The following TOPAZ1 variants were observed in gnomAD, a reference collection of about 807,000 sequenced individuals.
TOPAZ1 encodes protein TOPAZ1.
Under a neutral mutation model 172.2 loss-of-function variants are expected in TOPAZ1, and 66 were observed. That is an observed-to-expected ratio of 0.38 (90% confidence interval 0.31 to 0.47). The LOEUF (loss-of-function observed/expected upper bound fraction) is 0.47, where lower values mean the gene tolerates loss of function less well. Among genes scored for constraint, TOPAZ1 ranks in the 20% least tolerant of loss-of-function variants. TOPAZ1 has a pLI of 0.99. For missense variants in TOPAZ1, 1,822 were observed against 1,972.4 expected, an observed-to-expected ratio of 0.92 and a Z score of 1.44; for synonymous variants, 681 against 683.9, an observed-to-expected ratio of 1.00 and a Z score of 0.07.
intron 8 of TOPAZ1, among the ~76,000 whole-genome samples, chr3:44,272,146 T>C (rs548270897): frequency 1.3e-5 from 2 of 152,362 alleles, no homozygotes; most frequent in South Asian, 4.1e-4. Flanking sequence ...CATTCATCCA[T>C]TGATGGACAC....
Position 44,242,312 on chromosome 3 carries a change from G to A in TOPAZ1, c.259G>A (p.Gly87Ser). Residue 87 changes from glycine to serine, a missense_variant, in exon 1 of 20, where the codon GGC becomes AGC. Physicochemically the swap from Gly to Ser is moderately conservative, Grantham distance 56 (BLOSUM62 0). This residue lies in a region of TOPAZ1 where 1,489 missense variants were observed against 1,490.8 expected (regional missense o/e 1.00). Coordinates refer to ENST00000309765, the MANE Select transcript of TOPAZ1 (RefSeq NM_001145030.2). ...AARRQVEGRR[G>S]PVSPSDSSDP... ...AAGGCGTCAGGTGGAGGGGCGCAGG[G>A]GCCCGGTGAGCCCGTCAGACTCGTC... 2 of 1,551,974 alleles carry A rather than the reference G, an allele frequency of 1.3e-6. No homozygotes were observed. Among genetic ancestry groups the A allele is most frequent in the Non-Finnish European group, 1.7e-6 (2 of 1,146,972 alleles).
In TOPAZ1 at chr3:44,281,997, A is replaced by G. The variant is rs548997011; in HGVS notation, c.3402A>G (p.Ile1134Met). 4.5e-6 allele frequency: 7 copies of G among 1,547,916 alleles called. No individual in the cohort carries two copies. The African/African-American group carries it at 5.5e-5, about 12-fold the overall frequency. ...GCATGGATGTGTTTAAGAAATATAT[A>G]AATATCAATGAACTGTGTTTGCTAC... ...KVCMDVFKKY[I>M]NINELCLLQR... is the part of the protein sequence containing the mutation. The change falls in exon 9 of 20, where the codon ATA (isoleucine) becomes ATG (methionine). Residue 1134 changes from isoleucine (I) to methionine (M), a missense_variant. Physicochemically the swap from Ile to Met is conservative, Grantham distance 10. Coordinates refer to ENST00000309765, the MANE Select transcript of TOPAZ1 (RefSeq NM_001145030.2).
chr3:44,298,261 C>T (rs1420232243), intron 12 of TOPAZ1, among the ~76,000 whole-genome samples: 1 of 152,050 alleles, frequency 6.6e-6, no homozygotes, highest in Non-Finnish European at 1.5e-5. Context: ...CCCAGGAGTT[C>T]GAGGCCAGCC....
chr3:44,274,139 G>A lies in TOPAZ1; in HGVS notation c.3372+3329G>A, dbSNP rs564073735. Among the ~76,000 whole-genome samples the A allele has an allele frequency of 2.3e-3, 330 of 144,924 alleles. 3 individuals carry two copies. The highest frequency in any genetic ancestry group is 8.1e-3 in the African/African-American group (317 of 39,026). On this transcript the variant is annotated intron_variant, in intron 8 of 19. Coordinates refer to ENST00000309765, the MANE Select transcript of TOPAZ1 (RefSeq NM_001145030.2). Reference sequence around the variant, plus strand: ...TTTTTTTTTTTTTTGGCAAGGCACAGTGGCTGAGGCCTGTAATCCCAGCAC... The same window carrying A: ...TTTTTTTTTTTTTTGGCAAGGCACAATGGCTGAGGCCTGTAATCCCAGCAC...
intron 8 of TOPAZ1, among the ~76,000 whole-genome samples, chr3:44,280,291 T>C (rs1325724220): frequency 4.7e-5 from 7 of 149,048 alleles, no homozygotes; most frequent in African/African-American, 1.7e-4. Context: ...CCTTTCCTTT[T>C]CTTTCCTTTC....
intron 9 of TOPAZ1, among the ~76,000 whole-genome samples, chr3:44,283,714 T>C (rs1203240982): frequency 2.0e-5 from 3 of 152,188 alleles, no homozygotes; most frequent in Non-Finnish European, 4.4e-5. Context: ...TCTCCTTCCT[T>C]CCATATATGT....
Position 44,267,137 on chromosome 3 carries a change from G to A in TOPAZ1, c.3160+1G>A. On this transcript the variant is annotated splice_donor_variant, in intron 6 of 19. Coordinates refer to ENST00000309765, the MANE Select transcript of TOPAZ1 (RefSeq NM_001145030.2). LOFTEE classifies it high-confidence loss of function. Reference sequence around the variant, plus strand: ...ACAATACTGAATACCTGGATGAATGGTACTATTTGTTTTCTTAATGAAATC... The same window carrying A: ...ACAATACTGAATACCTGGATGAATGATACTATTTGTTTTCTTAATGAAATC... 1 of 1,504,588 alleles carries A rather than the reference G, an allele frequency of 6.6e-7. No individual in the cohort carries two copies. Among genetic ancestry groups the A allele is most frequent in the Non-Finnish European group, 8.9e-7 (1 of 1,128,230 alleles). 93.2% of individuals were successfully genotyped at this position (1,504,588 alleles called of 1,614,324 possible).
chr3:44,242,815 A>G (rs1276090547), intron 1 of TOPAZ1, 38 bp from the exon 2 acceptor site: 1 of 1,424,582 alleles, frequency 7.0e-7, no homozygotes, highest in Non-Finnish European at 9.2e-7. Flanking sequence ...CCTCCTCAAT[A>G]TAAAATCTTT....
chr3:44,312,852 T>C (rs1302956909), intron 16 of TOPAZ1, among the ~76,000 whole-genome samples: 3 of 152,230 alleles, frequency 2.0e-5, no homozygotes, highest in African/African-American at 4.8e-5. Context: ...AAATAACTTA[T>C]TGCCTTTGTA....
rs144710717 is a variant in TOPAZ1 at position 44,265,136 on chromosome 3, A to G, written c.3021-1861A>G. ...TAGGTTTTCAATTTACTTTGTCAAG[A>G]TCCATCAGAGAAATCACTATCCATG... On this transcript the variant is annotated intron_variant, in intron 5 of 19. Transcript: ENST00000309765. Among the ~76,000 whole-genome samples, 32 of 152,368 alleles carry G rather than the reference A, an allele frequency of 2.1e-4. No individual in the cohort carries two copies. In the East Asian group the frequency reaches 6.0e-3, roughly 28 times the overall value.
At chr3:44,261,275 A>C (rs1165214296) in intron 4 of TOPAZ1, among the ~76,000 whole-genome samples, 2 of 152,146 alleles carry the variant, frequency 1.3e-5, no homozygotes, top group African/African-American at 4.8e-5. Context: ...GTTGTCTTCC[A>C]AGGCTTTTAT....
intron 12 of TOPAZ1, among the ~76,000 whole-genome samples, chr3:44,292,417 A>G (rs1319654906): frequency 6.6e-6 from 1 of 152,164 alleles, no homozygotes; most frequent in Non-Finnish European, 1.5e-5. Context: ...GATATGTGAA[A>G]AACTTTTCCC....
chr3:44,321,243 A>T, intron 17 of TOPAZ1, 52 bp downstream of exon 17: 1 of 1,289,792 alleles, frequency 7.8e-7, no homozygotes, highest in South Asian at 1.5e-5. Context: ...CTGGTGTTTA[A>T]CTGTTAATAA....
Position 44,244,725 on chromosome 3 carries a change from T to G in TOPAZ1, c.2219T>G (p.Leu740Ter). 1 of 1,551,484 alleles carries G rather than the reference T, an allele frequency of 6.4e-7. No individual in the cohort carries two copies. Reference protein sequence around the residue: ...RSKENVSMMMLGPQTLSIRNS... With the variant: ...RSKENVSMMM ...AAAGAAAATGTCTCCATGATGATGT[T>G]AGGACCTCAAACTTTGAGCATACGA... The change falls in exon 2 of 20, where the codon TTA becomes TGA. Residue 740 changes from leucine (L) to a stop codon, truncating the protein, a stop_gained. Coordinates refer to ENST00000309765, the MANE Select transcript of TOPAZ1 (RefSeq NM_001145030.2). LOFTEE classifies it high-confidence loss of function.
intron 3 of TOPAZ1, 65 bp downstream of exon 3, chr3:44,255,094 A>G: frequency 2.6e-6 from 3 of 1,160,662 alleles, no homozygotes; most frequent in South Asian, 1.4e-5. Flanking sequence ...ATTCAGGCCT[A>G]GTCAAGATGA....
chr3:44,269,080 A>G (rs1220297406), intron 6 of TOPAZ1, 136 bp from the exon 7 acceptor site: 22 of 645,964 alleles, frequency 3.4e-5, no homozygotes, highest in Non-Finnish European at 5.3e-5. Flanking sequence ...CACACATGGC[A>G]GCACAGTCTG....
At chr3:44,312,044 C>T (rs1042204475) in intron 16 of TOPAZ1, among the ~76,000 whole-genome samples, 3 of 151,682 alleles carry the variant, frequency 2.0e-5, no homozygotes, top group African/African-American at 7.3e-5. Flanking sequence ...TACCTGTATA[C>T]AAAGGTATGC....
At position 44,278,673 on chromosome 3, in the gene TOPAZ1, A is replaced by G. The variant is rs116298371; in HGVS notation, c.3373-3295A>G. On this transcript the variant is annotated intron_variant, in intron 8 of 19. Transcript: ENST00000309765. The stretch of plus-strand genomic sequence containing the variant: ...TCTCTGATGATCTTTTTATATTTTC[A>G]TAGTATCCATTGTAAAGTCTGCTTT... Among the ~76,000 whole-genome samples the G allele has an allele frequency of 3.0e-3, 461 of 151,978 alleles. 3 individuals are homozygous for G. The highest frequency in any genetic ancestry group is 0.01 in the African/African-American group (435 of 41,470).
At chr3:44,306,787 G>GT (rs562639701) in intron 15 of TOPAZ1, among the ~76,000 whole-genome samples, 367 of 152,220 alleles carry the variant, frequency 2.4e-3, no homozygotes, top group Admixed American at 3.9e-3. Flanking sequence ...GATTGCAAAT[G>GT]TTTTTTGTGA....
Sources: gnomAD v4.1 joint callset for allele counts (sites outside exome capture counted in the v4.1 genomes callset) on GRCh38, gnomAD v4.1.1 for gene constraint, gnomAD v4.1.1 regional missense constraint, MANE v1.5 for transcripts, NCBI Gene and HGNC (gene_info 2026-07-23, HGNC 2026-07-21) for gene names.